CTDP1: variants seen among roughly 807,000 people sequenced by gnomAD.
The protein encoded by CTDP1 is RNA polymerase II subunit A C-terminal domain phosphatase.
In CTDP1, 47 loss-of-function variants were observed where a neutral mutation model predicts 91.8. That is an observed-to-expected ratio of 0.51 (90% CI 0.41 to 0.65). The LOEUF (loss-of-function observed/expected upper bound fraction) is 0.65. CTDP1 is among the 30% of genes least tolerant of loss of function. CTDP1 has a pLI of 0.00. For synonymous variants in CTDP1, 656 were observed against 598.5 expected (o/e 1.10, Z -1.40); for missense variants, 1,272 against 1,373.7 (o/e 0.93, Z 1.17).
At position 79,684,858 on chromosome 18, in the gene CTDP1, A is replaced by G. The variant is rs117169297; in HGVS notation, c.314+4597A>G. 9.3e-3 allele frequency among the ~76,000 whole-genome samples: 1,419 copies of G among 151,854 alleles called. 16 individuals are homozygous for G. The highest frequency in any genetic ancestry group is 0.015 in the Admixed American group (230 of 15,236). Reference sequence around the variant, plus strand: ...GTAAGAACCTCCTCACTCCATTGGAAAGAAACTGAGGTTCCAAGAAGTTTG... The same window carrying G: ...GTAAGAACCTCCTCACTCCATTGGAGAGAAACTGAGGTTCCAAGAAGTTTG... On this transcript the variant is annotated intron_variant, in intron 1 of 12. Coordinates refer to ENST00000613122, the MANE Select transcript of CTDP1 (RefSeq NM_004715.5).
rs763175422 is a variant in CTDP1 at position 79,714,534 on chromosome 18, C to T, written c.1074C>T (p.Pro358=). The T allele has an allele frequency of 1.1e-5, 18 of 1,613,044 alleles. No individual in the cohort carries two copies. The highest frequency in any genetic ancestry group is 5.3e-5 in the African/African-American group (4 of 74,954). The change falls in exon 8 of 13, where the codon CCC becomes CCT. Residue 358 remains proline (P), a synonymous_variant. Coordinates refer to ENST00000613122, the MANE Select transcript of CTDP1 (RefSeq NM_004715.5). ...RGTEVSEPSP[P]VRDPEGVTQA... The stretch of plus-strand genomic sequence containing the variant: ...CTGAGGTCTCAGAGCCATCTCCGCC[C>T]GTGAGAGACCCTGAGGGGGTAACGC...
chr18:79,704,987 TTAAAGA>T (rs2085938472), intron 5 of CTDP1, 70 bp downstream of exon 5: 1 of 1,601,662 alleles, frequency 6.2e-7, no homozygotes. Context: ...TGATGGTTTC[TTAAAGA>T]TGAAGAAAGA....
Position 79,732,115 on chromosome 18 carries a change from C to G in CTDP1, c.2580+3046C>G, listed in dbSNP as rs145905862. Among the ~76,000 whole-genome samples, 242 of 150,768 alleles carry G rather than the reference C, an allele frequency of 1.6e-3. 1 individual carries two copies. Among genetic ancestry groups the G allele is most frequent in the African/African-American group, 5.4e-3 (222 of 40,892 alleles). Reference sequence around the variant, plus strand: ...ATGAGATGTAAGAACTTGCTGACATCAGGAGTGCTCCCAAAATCACGTGAG... The same window carrying G: ...ATGAGATGTAAGAACTTGCTGACATGAGGAGTGCTCCCAAAATCACGTGAG... On this transcript the variant is annotated intron_variant, in intron 11 of 12. Coordinates refer to ENST00000613122, the MANE Select transcript of CTDP1 (RefSeq NM_004715.5).
intron 12 of CTDP1, among the ~76,000 whole-genome samples, chr18:79,741,481 T>C (rs2086777057): frequency 1.3e-5 from 2 of 152,256 alleles, no homozygotes; most frequent in South Asian, 4.1e-4. Context: ...GAAGATGAGC[T>C]GGTCGTTCCC....
downstream of CTDP1, chr18:79,755,681 G>A (rs1178246185): frequency 6.6e-6 from 1 of 152,278 alleles, no homozygotes; most frequent in East Asian, 1.9e-4. Flanking sequence ...TGGGACCAAG[G>A]TGGCCCCTTG....
intron 1 of CTDP1, among the ~76,000 whole-genome samples, chr18:79,690,362 A>G (rs1430373331): frequency 6.6e-6 from 1 of 152,190 alleles, no homozygotes; most frequent in South Asian, 2.1e-4. Flanking sequence ...GTTGCATGTC[A>G]TGGCTTTCTC....
intron 1 of CTDP1, among the ~76,000 whole-genome samples, chr18:79,684,787 T>C (rs2085450879): frequency 6.6e-6 from 1 of 152,266 alleles, no homozygotes; most frequent in Non-Finnish European, 1.5e-5. Context: ...TTTTGATCTT[T>C]AATAAGATTG....
chr18:79,715,362 G>A lies in CTDP1; in HGVS notation c.1902G>A (p.Leu634=). ...TGCCGGAGCTCAAGAGCAAGGTGCT[G>A]GCAGACGTGGCCATAATTTTCAGTG... ...KIVPELKSKV[L]ADVAIIFSGL... is the part of the protein sequence containing the mutation. Residue 634 remains leucine, a synonymous_variant, in exon 8 of 13, where the codon CTG becomes CTA. Coordinates refer to ENST00000613122, the MANE Select transcript of CTDP1 (RefSeq NM_004715.5). 1 of 1,608,372 alleles carries A rather than the reference G, an allele frequency of 6.2e-7. No individual in the cohort carries two copies. The highest frequency in any genetic ancestry group is 8.5e-7 in the Non-Finnish European group (1 of 1,177,384).
At chr18:79,739,719 A>G (rs184635938) in intron 12 of CTDP1, among the ~76,000 whole-genome samples, 1 of 152,324 alleles carries the variant, frequency 6.6e-6, no homozygotes, top group African/African-American at 2.4e-5. Flanking sequence ...GATCAGGAGA[A>G]TAAAGTGTCC....
intron 2 of CTDP1, 111 bp from the exon 3 acceptor site, chr18:79,695,866 A>C (rs1488624859): frequency 1.2e-6 from 1 of 850,898 alleles, no homozygotes; most frequent in Non-Finnish European, 2.0e-6. Flanking sequence ...GTGCTAAGAT[A>C]GCAGCGTGTG....
chr18:79,741,358 C>G (rs901730400), intron 12 of CTDP1, among the ~76,000 whole-genome samples: 2 of 152,212 alleles, frequency 1.3e-5, no homozygotes, highest in African/African-American at 4.8e-5. Flanking sequence ...TAAAATATAC[C>G]ATAGCCTCTT....
chr18:79,740,526 T>G (rs1308790444), intron 12 of CTDP1, among the ~76,000 whole-genome samples: 1 of 152,220 alleles, frequency 6.6e-6, no homozygotes, highest in African/African-American at 2.4e-5. Context: ...AGTTTTTTAT[T>G]TTTGCATGTT....
At chr18:79,716,297 T>C (rs1023128431) in intron 8 of CTDP1, among the ~76,000 whole-genome samples, 1 of 152,214 alleles carries the variant, frequency 6.6e-6, no homozygotes, top group African/African-American at 2.4e-5. Flanking sequence ...AGCTCATCCC[T>C]GTCCACGCAC....
chr18:79,717,985 C>G lies in CTDP1; in HGVS notation c.2386C>G (p.Leu796Val). 1.9e-6 allele frequency: 3 copies of G among 1,613,482 alleles called. No homozygotes were observed. The highest frequency in any genetic ancestry group is 2.5e-6 in the Non-Finnish European group (3 of 1,179,936). The change falls in exon 10 of 13, where the codon CTA (leucine) becomes GTA (valine). Residue 796 changes from leucine to valine, a missense_variant. Physicochemically the swap from Leu to Val is conservative, Grantham distance 32. Coordinates refer to ENST00000613122, the MANE Select transcript of CTDP1 (RefSeq NM_004715.5). ...ARGPPAPSSS[L>V]PIRQEPSSFR... Reference sequence around the variant, plus strand: ...GGGGCCCCCAGCACCCTCCAGCTCCCTACCCATCCGCCAGGAGCCCTCTTC... The same window carrying G: ...GGGGCCCCCAGCACCCTCCAGCTCCGTACCCATCCGCCAGGAGCCCTCTTC...
intron 11 of CTDP1, among the ~76,000 whole-genome samples, chr18:79,732,800 C>T (rs982280089): frequency 2.6e-5 from 4 of 151,866 alleles, no homozygotes; most frequent in African/African-American, 9.7e-5. Flanking sequence ...AACTCCCTAA[C>T]AGGAGTGCTC....
chr18:79,707,779 G>C lies in CTDP1; in HGVS notation c.773-2567G>C, dbSNP rs535726693. On this transcript the variant is annotated intron_variant, in intron 5 of 12. Coordinates refer to ENST00000613122, the MANE Select transcript of CTDP1 (RefSeq NM_004715.5). ...GGATCTGTAGAGATGACCTGGGTCA[G>C]CTTTTCTACAAGTGAGAAAGTGAGG... 2.0e-5 allele frequency among the ~76,000 whole-genome samples: 3 copies of C among 152,318 alleles called. No individual in the cohort carries two copies. In the South Asian group the frequency reaches 6.2e-4, roughly 32 times the overall value.
chr18:79,679,545 C>T (rs1425710557), upstream of CTDP1: 2 of 460,218 alleles, frequency 4.3e-6, no homozygotes, highest in Non-Finnish European at 8.7e-6. Flanking sequence ...GTCCGCGGTG[C>T]ACGCCGGGAT....
At chr18:79,693,576 G>A (rs945455830) in intron 1 of CTDP1, among the ~76,000 whole-genome samples, 1 of 152,148 alleles carries the variant, frequency 6.6e-6, no homozygotes. Context: ...GGGATGGGAC[G>A]TGAGTAAACG....
At position 79,679,850 on chromosome 18, in the gene CTDP1, C is replaced by A. The variant is rs1599170464; in HGVS notation, c.-98C>A. Reference sequence around the variant, plus strand: ...GGGTGGAAGCCGGTACCGAGAGGAACTACAGCGTCGCCGCCTGGGTTGTGT... The same window carrying A: ...GGGTGGAAGCCGGTACCGAGAGGAAATACAGCGTCGCCGCCTGGGTTGTGT... On this transcript the variant is annotated 5_prime_UTR_variant, in exon 1 of 13. Transcript: ENST00000613122. The A allele has an allele frequency of 8.5e-6, 10 of 1,174,252 alleles. No homozygotes were observed. Among genetic ancestry groups the A allele is most frequent in the Non-Finnish European group, 9.0e-6 (8 of 891,418 alleles). 72.7% of individuals were successfully genotyped at this position (1,174,252 alleles called of 1,614,324 possible).
Sources: gnomAD v4.1 joint callset for allele counts (sites outside exome capture counted in the v4.1 genomes callset) on GRCh38, gnomAD v4.1.1 for gene constraint, MANE v1.5 for transcripts, NCBI Gene and HGNC (gene_info 2026-07-23, HGNC 2026-07-21) for gene names.